The following PRSS23 variants were observed in gnomAD, a reference collection of about 807,000 sequenced individuals.
PRSS23 encodes serine protease 23, also known as protease, serine 23.
PRSS23 carries 25 observed loss-of-function variants against 34.7 expected under a neutral mutation model. That is an observed-to-expected ratio of 0.72 (90% CI 0.53 to 1.01). The LOEUF (loss-of-function observed/expected upper bound fraction) is 1.01, where lower values mean the gene tolerates loss of function less well. PRSS23 is among the 50% of genes least tolerant of loss of function. The probability of loss-of-function intolerance (pLI) is 0.00; values close to 1 mark genes in which losing one functional copy is unlikely to be tolerated. For missense variants in PRSS23, 445 were observed against 475.6 expected, an observed-to-expected ratio of 0.94 and a Z score of 0.60; for synonymous variants, 176 against 186.6, an observed-to-expected ratio of 0.94 and a Z score of 0.46.
At chr11:86,944,267 A>T (rs1353621724) in intron 2 of PRSS23, among the ~76,000 whole-genome samples, 1 of 151,444 alleles carries the variant, frequency 6.6e-6, no homozygotes, top group Non-Finnish European at 1.5e-5. Flanking sequence ...CCCAGTTTTT[A>T]TAAGGATACT....
chr11:86,862,094 A>T (rs1344867839), intron 2 of PRSS23, among the ~76,000 whole-genome samples: 1 of 151,808 alleles, frequency 6.6e-6, no homozygotes, highest in Admixed American at 6.6e-5. Flanking sequence ...GCAATATCGC[A>T]GGGGGTGTAC....
At chr11:86,932,058 G>C (rs1949129774) in intron 2 of PRSS23, among the ~76,000 whole-genome samples, 2 of 152,174 alleles carry the variant, frequency 1.3e-5, no homozygotes. Context: ...AAAATTTGGA[G>C]GTGATGGAGA....
rs1211994759 is a variant in PRSS23, at chr11:86,829,189, G to A, written c.206+5596G>A. Among the ~76,000 whole-genome samples, 29 of 152,138 alleles carry A rather than the reference G, an allele frequency of 1.9e-4. No homozygotes were observed. In the East Asian group the frequency reaches 2.5e-3, roughly 13 times the overall value. On this transcript the variant is annotated intron_variant, in intron 2 of 2. Transcript: ENST00000533902. ...CCCATATTTCTTGGAGGCTTTGTTC[G>A]TTTCTTTTTATTCTTTTTTCTCTAA...
At chr11:86,908,271 A>C (rs1948956540) in intron 2 of PRSS23, among the ~76,000 whole-genome samples, 1 of 152,184 alleles carries the variant, frequency 6.6e-6, no homozygotes, top group Non-Finnish European at 1.5e-5. Flanking sequence ...TTTTTAAGGA[A>C]ACTCCATACT....
intron 2 of PRSS23, among the ~76,000 whole-genome samples, chr11:86,882,110 C>T (rs947953843): frequency 9.2e-5 from 14 of 152,076 alleles, no homozygotes; most frequent in African/African-American, 3.4e-4. Context: ...TATTTCTGCT[C>T]CAATATTTAT....
intron 2 of PRSS23, chr11:86,856,915 C>T (rs1231159273): frequency 6.6e-6 from 1 of 152,550 alleles, no homozygotes; most frequent in Non-Finnish European, 1.5e-5. Context: ...AAAGGCATAA[C>T]AAAGAAAGCA....
chr11:86,877,984 A>G (rs1426223119), intron 2 of PRSS23, among the ~76,000 whole-genome samples: 1 of 152,036 alleles, frequency 6.6e-6, no homozygotes, highest in Non-Finnish European at 1.5e-5. Context: ...ATTCTTGAAC[A>G]CAGGATGTCT....
intron 2 of PRSS23, among the ~76,000 whole-genome samples, chr11:86,864,441 G>C (rs1948636728): frequency 6.6e-6 from 1 of 152,210 alleles, no homozygotes; most frequent in African/African-American, 2.4e-5. Flanking sequence ...GGACCACGTA[G>C]TCATGCCTAA....
At chr11:86,951,647 G>C in exon 3 of PRSS23, 1 of 1,614,088 alleles carries the variant, frequency 6.2e-7, no homozygotes, top group Non-Finnish European at 8.5e-7. Context: ...CAGTTCATCT[G>C]CATCCACCAG....
At chr11:86,906,131 G>A (rs1948940296) in intron 2 of PRSS23, among the ~76,000 whole-genome samples, 1 of 152,238 alleles carries the variant, frequency 6.6e-6, no homozygotes, top group Non-Finnish European at 1.5e-5. Context: ...TTGCCTTGCA[G>A]GAAGGGCCAG....
rs1034570664 is a variant in PRSS23 at position 86,823,210 on chromosome 11, C to A, written c.-11-167C>A. 1.5e-5 allele frequency: 9 copies of A among 603,330 alleles called. No individual in the cohort carries two copies. In the Admixed American group the frequency reaches 2.6e-4, roughly 18 times the overall value. 37.4% of individuals were successfully genotyped at this position (603,330 alleles called of 1,614,324 possible). On this transcript the variant is annotated intron_variant, in intron 1 of 2. Coordinates refer to the PRSS23 transcript ENST00000533902. ...CATACAATTTATTCAGTTCCTATTTCTTTTACTTTAGTATTCCTAATCTGT... is the reference window on the plus strand; with the variant it reads ...CATACAATTTATTCAGTTCCTATTTATTTTACTTTAGTATTCCTAATCTGT...
intron 2 of PRSS23, among the ~76,000 whole-genome samples, chr11:86,853,134 G>A (rs1948542733): frequency 6.6e-6 from 1 of 151,342 alleles, no homozygotes; most frequent in South Asian, 2.1e-4. Flanking sequence ...GGTTACAGGT[G>A]CGAGCCACTG....
At position 86,807,961 on chromosome 11, in the gene PRSS23, C is replaced by T. The variant is rs1169365766; in HGVS notation, c.318C>T (p.Leu106=). 7 of 1,614,036 alleles carry T rather than the reference C, an allele frequency of 4.3e-6. No homozygotes were observed. Among genetic ancestry groups the T allele is most frequent in the Middle Eastern group, 1.6e-4 (1 of 6,084 alleles). ...AGACGCAGGTGGGCATCTACATCCTCAGCAGTAGTGGAGATGGGGCCCAAC... is the reference window on the plus strand; with the variant it reads ...AGACGCAGGTGGGCATCTACATCCTTAGCAGTAGTGGAGATGGGGCCCAAC... ...RTETQVGIYI[L]SSSGDGAQHR... The change falls in exon 2 of 2, where the codon CTC becomes CTT. Residue 106 remains leucine (L), a synonymous_variant. Transcript: ENST00000280258.
At chr11:86,903,342 A>G (rs1425509526) in intron 2 of PRSS23, among the ~76,000 whole-genome samples, 1 of 152,164 alleles carries the variant, frequency 6.6e-6, no homozygotes, top group Non-Finnish European at 1.5e-5. Context: ...GGTCACTGCA[A>G]TCATGCATAA....
At position 86,852,003 on chromosome 11, in the gene PRSS23, A is replaced by G. The variant is rs182626227; in HGVS notation, c.206+28410A>G. 7.2e-5 allele frequency among the ~76,000 whole-genome samples: 11 copies of G among 152,324 alleles called. 1 individual carries two copies. The South Asian group carries it at 1.9e-3, about 26-fold the overall frequency. ...ACAGTCTGCTGAGCTGACAGTTTGC[A>G]TATTGGTCTCCTCCCATCTGCCCAC... is the stretch of plus-strand genomic sequence containing the variant. On this transcript the variant is annotated intron_variant, in intron 2 of 2. Coordinates refer to the PRSS23 transcript ENST00000533902.
At chr11:86,825,548 C>T (rs542200438) in intron 2 of PRSS23, among the ~76,000 whole-genome samples, 2 of 151,164 alleles carry the variant, frequency 1.3e-5, no homozygotes, top group South Asian at 4.2e-4. Context: ...GACATGAAGT[C>T]CTTGCCCATG....
intron 2 of PRSS23, among the ~76,000 whole-genome samples, chr11:86,862,675 ATAT>A (rs1590900414): frequency 1.3e-5 from 2 of 151,910 alleles, no homozygotes; most frequent in Admixed American, 6.6e-5. Context: ...ACACCCTGTG[ATAT>A]TATTCATAAT....
chr11:86,816,917 G>A (rs1948218530), intron 1 of PRSS23, among the ~76,000 whole-genome samples: 2 of 152,192 alleles, frequency 1.3e-5, no homozygotes, highest in Non-Finnish European at 2.9e-5. Context: ...CTGAGGTCTT[G>A]AAAATTGTAA....
In PRSS23 at chr11:86,943,377, C is replaced by T. The variant is rs181314117; in HGVS notation, c.207-7839C>T. Among the ~76,000 whole-genome samples the T allele has an allele frequency of 4.2e-3, 646 of 152,358 alleles. 2 individuals are homozygous for T. Among genetic ancestry groups the T allele is most frequent in the Non-Finnish European group, 6.9e-3 (469 of 68,030 alleles). On this transcript the variant is annotated intron_variant, in intron 2 of 2. Transcript: ENST00000533902. ...CGGTGGCTTACGCCTGTAATCCCAG[C>T]ACTTTGGGAGGCTGAGGCGGGAGGA...
Sources: allele counts gnomAD v4.1 joint callset (sites outside exome capture counted in the v4.1 genomes callset), GRCh38; gene constraint gnomAD v4.1.1; transcripts MANE v1.5; gene names NCBI Gene and HGNC (gene_info 2026-07-23, HGNC 2026-07-21).